Variants in PRKCE observed in about 807,000 individuals in gnomAD.
PRKCE encodes the protein protein kinase C epsilon.
A neutral mutation model predicts 85.4 loss-of-function variants in PRKCE; 16 were observed. That is an observed-to-expected ratio of 0.19 (90% CI 0.13 to 0.28). The LOEUF (loss-of-function observed/expected upper bound fraction) is 0.28. Among genes scored for constraint, PRKCE ranks in the 10% least tolerant of loss-of-function variants. The pLI is 1.00. For synonymous variants in PRKCE, 388 were observed against 371.5 expected, an observed-to-expected ratio of 1.04 and a Z score of -0.51; for missense variants, 573 against 975.2, an observed-to-expected ratio of 0.59 and a Z score of 5.49.
chr2:46,098,320 TC>T (rs201764140), intron 11 of PRKCE, among the ~76,000 whole-genome samples: 47 of 149,956 alleles, frequency 3.1e-4, no homozygotes, highest in East Asian at 1.2e-3. Flanking sequence ...GGGTTATTAC[TC>T]CCCCCCCAAC....
intron 2 of PRKCE, chr2:45,845,787 C>T (rs1210150314): frequency 6.6e-6 from 1 of 152,222 alleles, no homozygotes; most frequent in Non-Finnish European, 1.5e-5. Context: ...ATAGTGGAAT[C>T]TGGCCAGTGT....
rs1366801616 is a variant in PRKCE at position 45,987,424 on chromosome 2, T to TC, written c.823+2748dup. Among the ~76,000 whole-genome samples, 3 of 152,176 alleles carry TC rather than the reference T, an allele frequency of 2.0e-5. No homozygotes were observed. The South Asian group carries it at 6.2e-4, about 32-fold the overall frequency. Reference sequence around the variant, plus strand: ...CTGATGTTATTACTTGGCCTTTTTTTCCCCTTGCTGCTGTTCTGTGACCCT... The same window carrying TC: ...CTGATGTTATTACTTGGCCTTTTTTTCCCCCTTGCTGCTGTTCTGTGACCCT... On this transcript the variant is annotated intron_variant, in intron 6 of 14. Coordinates refer to ENST00000306156, the MANE Select transcript of PRKCE (RefSeq NM_005400.3).
chr2:46,114,196 A>G (rs1187322674), intron 11 of PRKCE, among the ~76,000 whole-genome samples: 1 of 152,120 alleles, frequency 6.6e-6, no homozygotes, highest in African/African-American at 2.4e-5. Flanking sequence ...CGAGAGGCAC[A>G]GAACTCGAGG....
chr2:45,883,023 A>G (rs939289653), intron 2 of PRKCE, among the ~76,000 whole-genome samples: 2 of 152,258 alleles, frequency 1.3e-5, no homozygotes, highest in South Asian at 2.1e-4. Context: ...CGCTACTCAA[A>G]TACTTGGCAC....
chr2:46,028,380 GA>G (rs1363111846), intron 10 of PRKCE, among the ~76,000 whole-genome samples: 1 of 152,222 alleles, frequency 6.6e-6, no homozygotes, highest in African/African-American at 2.4e-5. Context: ...TTATAACTAA[GA>G]AGATGCCAAA....
chr2:45,980,657 T>C (rs1429206342), intron 5 of PRKCE, among the ~76,000 whole-genome samples: 1 of 152,172 alleles, frequency 6.6e-6, no homozygotes, highest in East Asian at 1.9e-4. Context: ...AATTCTTTTA[T>C]TGCATCATCT....
intron 1 of PRKCE, among the ~76,000 whole-genome samples, chr2:45,668,610 T>C (rs551266770): frequency 1.1e-4 from 16 of 152,274 alleles, no homozygotes; most frequent in African/African-American, 3.1e-4. Context: ...ATTTATAGGC[T>C]AGCATATATT....
intron 1 of PRKCE, among the ~76,000 whole-genome samples, chr2:45,733,440 G>T (rs1313784632): frequency 1.3e-5 from 2 of 152,122 alleles, no homozygotes; most frequent in Admixed American, 6.6e-5. Context: ...CAAATAATAC[G>T]CAAGAAACAG....
chr2:45,881,112 C>G (rs1049559215), intron 2 of PRKCE, among the ~76,000 whole-genome samples: 1 of 144,200 alleles, frequency 6.9e-6, no homozygotes, highest in Non-Finnish European at 1.5e-5. Flanking sequence ...GAGATCCCGC[C>G]ACTGCACTCC....
intron 10 of PRKCE, among the ~76,000 whole-genome samples, chr2:46,084,694 C>G (rs377715363): frequency 4.2e-5 from 6 of 144,520 alleles, no homozygotes; most frequent in East Asian, 2.0e-4. Flanking sequence ...TGCACTCCAG[C>G]CTAGCAACAG....
At chr2:45,884,806 C>T (rs755733173) in intron 2 of PRKCE, among the ~76,000 whole-genome samples, 3 of 151,656 alleles carry the variant, frequency 2.0e-5, no homozygotes, top group Non-Finnish European at 4.4e-5. Flanking sequence ...GAGCGAAAGA[C>T]ACCCTTTCTC....
intron 1 of PRKCE, among the ~76,000 whole-genome samples, chr2:45,801,498 G>C (rs537485080): frequency 0.012 from 1,329 of 114,544 alleles, 13 homozygotes; most frequent in African/African-American, 0.05. Context: ...AGTCATCAGT[G>C]AGTGCTGAGG....
intron 11 of PRKCE, among the ~76,000 whole-genome samples, chr2:46,108,829 G>C (rs190712425): frequency 7.7e-4 from 117 of 152,044 alleles, no homozygotes; most frequent in South Asian, 1.7e-3. Context: ...TTGTAGTTTA[G>C]TGTTTGATAT....
intron 2 of PRKCE, among the ~76,000 whole-genome samples, chr2:45,875,313 G>C (rs2345178): frequency 0.64 from 96,967 of 152,160 alleles, 31,564 homozygotes; most frequent in East Asian, 0.97. Flanking sequence ...TCTGATCTGT[G>C]TTAGCATTTT....
At chr2:45,688,570 G>T (rs1677481980) in intron 1 of PRKCE, among the ~76,000 whole-genome samples, 1 of 152,138 alleles carries the variant, frequency 6.6e-6, no homozygotes, top group Non-Finnish European at 1.5e-5. Flanking sequence ...TTATGCCTAA[G>T]GAATTGAGCA....
rs573853993 is a variant in PRKCE, at chr2:46,007,456, C to T, written c.1064-6C>T. On this transcript the variant is annotated splice_region_variant and splice_polypyrimidine_tract_variant and intron_variant, in intron 8 of 14. Transcript: ENST00000306156. ...TAATGCAATTTCTTGTTCCCCTTGG[C>T]CCTAGAAATAAAAGAACTTGAGAAC... 9.4e-6 allele frequency: 15 copies of T among 1,599,670 alleles called. No homozygotes were observed. Among genetic ancestry groups the T allele is most frequent in the Admixed American group, 5.0e-5 (3 of 60,028 alleles).
At chr2:46,161,964 G>A (rs1466105591) in intron 14 of PRKCE, among the ~76,000 whole-genome samples, 2 of 152,126 alleles carry the variant, frequency 1.3e-5, no homozygotes, top group African/African-American at 4.8e-5. Context: ...GTGAACAGGT[G>A]TGGGTCTGAG....
chr2:46,088,244 C>T (rs180858592), intron 11 of PRKCE, among the ~76,000 whole-genome samples: 10 of 152,308 alleles, frequency 6.6e-5, no homozygotes, highest in Non-Finnish European at 1.0e-4. Flanking sequence ...TCCCACACCC[C>T]TTGTTTCGCA....
intron 10 of PRKCE, among the ~76,000 whole-genome samples, chr2:46,076,389 C>T (rs1282809920): frequency 6.6e-6 from 1 of 152,168 alleles, no homozygotes; most frequent in Admixed American, 6.5e-5. Flanking sequence ...TTTCTTCTTT[C>T]CCGTGGCTTT....
Sources: gnomAD v4.1 joint callset for allele counts (sites outside exome capture counted in the v4.1 genomes callset) on GRCh38, gnomAD v4.1.1 for gene constraint, MANE v1.5 for transcripts, NCBI Gene and HGNC (gene_info 2026-07-23, HGNC 2026-07-21) for gene names.